The following CTNNA2 variants were observed in gnomAD, a reference collection of about 807,000 sequenced individuals.
CTNNA2 encodes catenin alpha-2.
A neutral mutation model predicts 101.0 loss-of-function variants in CTNNA2; 42 were observed. That is an observed-to-expected ratio of 0.42 (90% CI 0.32 to 0.54). CTNNA2 has a LOEUF of 0.54. Among genes scored for constraint, CTNNA2 ranks in the 20% least tolerant of loss-of-function variants. The pLI, the probability that CTNNA2 is intolerant of heterozygous loss-of-function variation, is 0.14. For missense variants in CTNNA2, 871 were observed against 1,223.1 expected (o/e 0.71, Z 4.29); for synonymous variants, 450 against 456.4 (o/e 0.99, Z 0.18).
At chr2:79,313,615 C>T (rs544795940) in intron 3 of CTNNA2, among the ~76,000 whole-genome samples, 28 of 152,174 alleles carry the variant, frequency 1.8e-4, no homozygotes, top group Non-Finnish European at 3.7e-4. Flanking sequence ...CAATACACCA[C>T]CAAACAGGCC....
chr2:79,738,827 A>G (rs796718385), intron 2 of CTNNA2, among the ~76,000 whole-genome samples: 2 of 152,310 alleles, frequency 1.3e-5, no homozygotes, highest in African/African-American at 4.8e-5. Context: ...TTTTGAACCT[A>G]TGCTTTTCTT....
intron 4 of CTNNA2, among the ~76,000 whole-genome samples, chr2:79,499,686 G>A (rs758815638): frequency 2.0e-5 from 3 of 152,076 alleles, no homozygotes; most frequent in Non-Finnish European, 4.4e-5. Context: ...ATCCCATTTT[G>A]ATGTTTCTTC....
intron 1 of CTNNA2, among the ~76,000 whole-genome samples, chr2:79,561,339 T>C (rs2104131006): frequency 6.6e-6 from 1 of 152,084 alleles, no homozygotes; most frequent in South Asian, 2.1e-4. Context: ...GATGGGCATT[T>C]GGGTGTTTCT....
chr2:79,213,120 G>A (rs911125096), intron 2 of CTNNA2, among the ~76,000 whole-genome samples: 2 of 152,168 alleles, frequency 1.3e-5, no homozygotes, highest in African/African-American at 4.8e-5. Flanking sequence ...GTTTCAGCAG[G>A]GGAGTAGGTG....
intron 1 of CTNNA2, among the ~76,000 whole-genome samples, chr2:79,187,787 C>A (rs2104153142): frequency 6.6e-6 from 1 of 152,248 alleles, no homozygotes; most frequent in African/African-American, 2.4e-5. Context: ...GTAGGAAAGA[C>A]TTTTGTGACT....
At position 80,235,566 on chromosome 2, in the gene CTNNA2, CAG is replaced by C. The variant is rs532841509; in HGVS notation, c.1057-157641_1057-157640del. ...GGGAGAGTCCTTTGGTTGCAGGAAA[CAG>C]AGACTCACACAGGTTAATTCAGGGA... On this transcript the variant is annotated intron_variant, in intron 7 of 18. Transcript: ENST00000402739. Among the ~76,000 whole-genome samples, 42 of 152,260 alleles carry C rather than the reference CAG, an allele frequency of 2.8e-4. No homozygotes were observed. In the East Asian group the frequency reaches 7.2e-3, roughly 26 times the overall value.
intron 4 of CTNNA2, among the ~76,000 whole-genome samples, chr2:79,455,524 T>C (rs1474165166): frequency 6.6e-6 from 1 of 152,186 alleles, no homozygotes; most frequent in Non-Finnish European, 1.5e-5. Flanking sequence ...TTAGGGTTAA[T>C]GTCAACCTTC....
chr2:80,648,702 T>C lies in CTNNA2; in HGVS notation c.*830T>C, dbSNP rs550527097. Reference sequence around the variant, plus strand: ...CGTGTGAAAGTTAGAGGCAAATACATAGGTGTAGCTTGGAGTGCTGGTATC... The same window carrying C: ...CGTGTGAAAGTTAGAGGCAAATACACAGGTGTAGCTTGGAGTGCTGGTATC... On this transcript the variant is annotated 3_prime_UTR_variant, in exon 19 of 19. Coordinates refer to ENST00000402739, the MANE Select transcript of CTNNA2 (RefSeq NM_001282597.3). 1 of 152,102 alleles carries C rather than the reference T, an allele frequency of 6.6e-6. No homozygotes were observed. The highest frequency in any genetic ancestry group is 2.4e-5 in the African/African-American group (1 of 41,434). The allele number at this position is 152,102 out of a possible 1,614,324, so 9.4% of individuals were successfully genotyped here.
chr2:79,464,372 C>T (rs1428134482), intron 4 of CTNNA2, among the ~76,000 whole-genome samples: 1 of 152,164 alleles, frequency 6.6e-6, no homozygotes, highest in African/African-American at 2.4e-5. Context: ...TTTTCTTAAT[C>T]CAGTCTATCA....
chr2:79,780,649 GC>G (rs1475724910), intron 3 of CTNNA2, among the ~76,000 whole-genome samples: 1 of 152,110 alleles, frequency 6.6e-6, no homozygotes, highest in African/African-American at 2.4e-5. Context: ...CCCCTAAATG[GC>G]CTAAGGAGGG....
intron 2 of CTNNA2, among the ~76,000 whole-genome samples, chr2:79,688,330 T>C (rs1303857484): frequency 6.6e-6 from 1 of 152,068 alleles, no homozygotes; most frequent in Non-Finnish European, 1.5e-5. Flanking sequence ...ATATTGGAAT[T>C]ATGAGACATA....
intron 4 of CTNNA2, among the ~76,000 whole-genome samples, chr2:79,865,125 A>C (rs1026525250): frequency 5.3e-5 from 8 of 152,230 alleles, no homozygotes; most frequent in African/African-American, 1.9e-4. Flanking sequence ...CGCTTTAAGC[A>C]TCAATGACAC....
chr2:80,227,468 C>A lies in CTNNA2; in HGVS notation c.1057-165743C>A, dbSNP rs187598859. Among the ~76,000 whole-genome samples, 950 of 152,274 alleles carry A rather than the reference C, an allele frequency of 6.2e-3. 5 individuals carry two copies. Among genetic ancestry groups the A allele is most frequent in the Admixed American group, 7.7e-3 (118 of 15,288 alleles). ...GGGTCTTTTGTCTCACGTTACAATC[C>A]ACGCCCAGCCCTTACTGATATTTCC... On this transcript the variant is annotated intron_variant, in intron 7 of 18. Transcript: ENST00000402739.
At position 79,243,021 on chromosome 2, in the gene CTNNA2, C is replaced by CAT. The variant is rs1558584658; in HGVS notation, c.-406+44946_-406+44947insTA. 2.7e-4 allele frequency among the ~76,000 whole-genome samples: 41 copies of CAT among 149,124 alleles called. 2 individuals carry two copies. The highest frequency in any genetic ancestry group is 9.7e-4 in the African/African-American group (39 of 40,336). On this transcript the variant is annotated intron_variant, in intron 2 of 21. Coordinates refer to the CTNNA2 transcript ENST00000466387. ...ACACACACACACACACACACACACA[C>CAT]ACACACACGTTAATATTCATGATAA... is the stretch of plus-strand genomic sequence containing the variant.
chr2:79,862,916 A>G (rs371605509), intron 4 of CTNNA2, among the ~76,000 whole-genome samples: 16 of 152,346 alleles, frequency 1.1e-4, no homozygotes, highest in African/African-American at 3.6e-4. Context: ...TCACCAAATT[A>G]AAAGTCCAGA....
At chr2:80,096,450 C>T (rs189757101) in intron 7 of CTNNA2, among the ~76,000 whole-genome samples, 186 of 152,026 alleles carry the variant, frequency 1.2e-3, no homozygotes, top group Middle Eastern at 3.4e-3. Context: ...GGAATAGGTG[C>T]GGTGTGGTGC....
intron 2 of CTNNA2, among the ~76,000 whole-genome samples, chr2:79,270,506 C>A (rs927827168): frequency 3.3e-5 from 5 of 152,112 alleles, no homozygotes; most frequent in Admixed American, 6.6e-5. Flanking sequence ...ACACACTGGA[C>A]TCTGATATTG....
At chr2:80,477,963 T>C (rs1278449682) in intron 9 of CTNNA2, among the ~76,000 whole-genome samples, 2 of 152,086 alleles carry the variant, frequency 1.3e-5, no homozygotes, top group Non-Finnish European at 2.9e-5. Flanking sequence ...CTTTGAGAAA[T>C]CTCCATACTA....
intron 1 of CTNNA2, among the ~76,000 whole-genome samples, chr2:79,608,766 A>T (rs374677597): frequency 1.3e-5 from 2 of 152,088 alleles, no homozygotes; most frequent in Non-Finnish European, 2.9e-5. Context: ...CCAATAAAGA[A>T]CATCTACATA....
Sources: allele counts gnomAD v4.1 joint callset (sites outside exome capture counted in the v4.1 genomes callset), GRCh38; gene constraint gnomAD v4.1.1; transcripts MANE v1.5; gene names NCBI Gene and HGNC (gene_info 2026-07-23, HGNC 2026-07-21).